Variants in NRG3 observed in about 807,000 individuals in gnomAD.
NRG3 encodes neuregulin 3.
A neutral mutation model predicts 66.9 loss-of-function variants in NRG3; 31 were observed. The observed-to-expected ratio is 0.46, with a 90% confidence interval of 0.35 to 0.63. NRG3 has a LOEUF of 0.63. Ranked by LOEUF, NRG3 falls within the 20% of genes least tolerant of loss-of-function variation. The pLI is 0.00. For synonymous variants in NRG3, 393 were observed against 359.4 expected (o/e 1.09, Z -1.06); for missense variants, 910 against 878.9 (o/e 1.04, Z -0.45).
chr10:82,208,584 C>G (rs770416068), intron 1 of NRG3, among the ~76,000 whole-genome samples: 1 of 151,734 alleles, frequency 6.6e-6, no homozygotes, highest in Non-Finnish European at 1.5e-5. Flanking sequence ...TTGAGGAGCT[C>G]TGTTCTTTGG....
intron 1 of NRG3, among the ~76,000 whole-genome samples, chr10:82,161,227 G>A (rs774646402): frequency 1.3e-5 from 2 of 152,112 alleles, no homozygotes; most frequent in Non-Finnish European, 2.9e-5. Flanking sequence ...GGAGTCACCG[G>A]CATAGAGAAA....
At chr10:82,082,988 A>G (rs927985971) in intron 1 of NRG3, among the ~76,000 whole-genome samples, 16 of 151,412 alleles carry the variant, frequency 1.1e-4, no homozygotes, top group Non-Finnish European at 2.2e-4. Flanking sequence ...TCACCAGGCT[A>G]GGGTGCAGTG....
intron 1 of NRG3, among the ~76,000 whole-genome samples, chr10:82,252,244 G>A (rs1436515786): frequency 6.6e-6 from 1 of 152,074 alleles, no homozygotes; most frequent in African/African-American, 2.4e-5. Flanking sequence ...TGCTCAATTG[G>A]GTACAAAAAA....
intron 3 of NRG3, among the ~76,000 whole-genome samples, chr10:82,752,278 G>C (rs1304964344): frequency 6.6e-6 from 1 of 152,034 alleles, no homozygotes; most frequent in Non-Finnish European, 1.5e-5. Context: ...GCATAAAGAG[G>C]TTTACAATAA....
At chr10:82,302,211 C>A (rs1354880110) in intron 1 of NRG3, among the ~76,000 whole-genome samples, 5 of 151,688 alleles carry the variant, frequency 3.3e-5, no homozygotes, top group Non-Finnish European at 7.4e-5. Flanking sequence ...TTTGCTGAAA[C>A]CTGTATTTAT....
chr10:82,329,930 A>G (rs1399311426), intron 1 of NRG3, among the ~76,000 whole-genome samples: 4 of 152,282 alleles, frequency 2.6e-5, no homozygotes, highest in East Asian at 3.9e-4. Context: ...CTACCACCCA[A>G]GGGTTTCCCC....
In NRG3 at chr10:82,449,812, GT is replaced by G. The variant is rs546129345; in HGVS notation, c.953+90945del. ...ATACGTTTTTTTGAGCAACCTGTCT[GT>G]ATCAAGGGCAGTGTAAAGAGTGAAG... On this transcript the variant is annotated intron_variant, in intron 2 of 8. Coordinates refer to ENST00000372141, the MANE Select transcript of NRG3 (RefSeq NM_001010848.4). Among the ~76,000 whole-genome samples the G allele has an allele frequency of 5.3e-5, 8 of 152,254 alleles. No homozygotes were observed. The East Asian group carries it at 1.5e-3, about 29-fold the overall frequency.
At chr10:82,731,366 CAA>C (rs557587083) in intron 2 of NRG3, among the ~76,000 whole-genome samples, 57 of 85,384 alleles carry the variant, frequency 6.7e-4, no homozygotes, top group African/African-American at 8.9e-4. Context: ...TACTCTGTCT[CAA>C]AAAAAAAAAA....
intron 1 of NRG3, among the ~76,000 whole-genome samples, chr10:81,969,772 A>AGTGTGTGTGT (rs151308270): frequency 6.9e-6 from 1 of 144,896 alleles, no homozygotes; most frequent in Non-Finnish European, 1.5e-5. Flanking sequence ...GGACATTTTG[A>AGTGTGTGTGT]GTGTGTGTGT....
At chr10:82,220,659 G>A (rs957086441) in intron 1 of NRG3, among the ~76,000 whole-genome samples, 23 of 152,192 alleles carry the variant, frequency 1.5e-4, no homozygotes, top group African/African-American at 5.3e-4. Context: ...CACATGCTTT[G>A]TACATGCCAT....
At chr10:82,315,449 C>T (rs899320226) in intron 1 of NRG3, among the ~76,000 whole-genome samples, 1 of 152,094 alleles carries the variant, frequency 6.6e-6, no homozygotes, top group Non-Finnish European at 1.5e-5. Context: ...CTGTGTCTAG[C>T]AGATAAAACG....
At chr10:82,687,410 A>C (rs1156448621) in intron 2 of NRG3, among the ~76,000 whole-genome samples, 1 of 152,178 alleles carries the variant, frequency 6.6e-6, no homozygotes, top group Non-Finnish European at 1.5e-5. Context: ...ATATATCAAT[A>C]GGTCAAATCG....
intron 2 of NRG3, among the ~76,000 whole-genome samples, chr10:82,480,792 T>A (rs930786090): frequency 3.3e-5 from 5 of 152,220 alleles, no homozygotes; most frequent in African/African-American, 1.2e-4. Context: ...TGCTTCCGTG[T>A]CATTGGCTAA....
chr10:82,149,353 A>G (rs2070517166), intron 1 of NRG3, among the ~76,000 whole-genome samples: 1 of 152,178 alleles, frequency 6.6e-6, no homozygotes, highest in Admixed American at 6.5e-5. Context: ...GCCATAAATA[A>G]GAATTAAAAA....
At chr10:82,868,184 C>T (rs1840951593) in intron 4 of NRG3, among the ~76,000 whole-genome samples, 1 of 152,152 alleles carries the variant, frequency 6.6e-6, no homozygotes, top group Admixed American at 6.5e-5. Context: ...TCCTGTTGTG[C>T]TTCCTATTGT....
chr10:82,125,304 T>G (rs1466464629), intron 1 of NRG3, among the ~76,000 whole-genome samples: 1 of 152,012 alleles, frequency 6.6e-6, no homozygotes, highest in Non-Finnish European at 1.5e-5. Flanking sequence ...TGAGGTAGAC[T>G]TTATGTACAG....
chr10:82,649,009 C>G (rs2051190559), intron 2 of NRG3, among the ~76,000 whole-genome samples: 1 of 152,086 alleles, frequency 6.6e-6, no homozygotes, highest in African/African-American at 2.4e-5. Flanking sequence ...AAACCCACAG[C>G]CAATATCATA....
chr10:81,921,395 A>G (rs1475389408), intron 1 of NRG3, among the ~76,000 whole-genome samples: 2 of 152,056 alleles, frequency 1.3e-5, no homozygotes, highest in African/African-American at 4.8e-5. Context: ...CCATCTCTGA[A>G]AGAAATGCCA....
chr10:82,481,264 C>G (rs1327135079), intron 2 of NRG3, among the ~76,000 whole-genome samples: 1 of 152,162 alleles, frequency 6.6e-6, no homozygotes, highest in Non-Finnish European at 1.5e-5. Flanking sequence ...TTTCTAAAGC[C>G]TCTAATGGCC....
Sources: allele counts gnomAD v4.1 joint callset (sites outside exome capture counted in the v4.1 genomes callset), GRCh38; gene constraint gnomAD v4.1.1; transcripts MANE v1.5; gene names NCBI Gene and HGNC (gene_info 2026-07-23, HGNC 2026-07-21).